Variants in PLK4 observed in about 807,000 individuals in gnomAD.
PLK4 encodes the protein polo like kinase 4.
A neutral mutation model predicts 103.0 loss-of-function variants in PLK4; 51 were observed. The observed-to-expected ratio is 0.50, with a 90% CI of 0.40 to 0.63. The LOEUF (loss-of-function observed/expected upper bound fraction) is 0.63, where lower values mean the gene tolerates loss of function less well. Ranked by LOEUF, PLK4 falls within the 20% of genes least tolerant of loss-of-function variation. The probability of loss-of-function intolerance (pLI) is 0.00; values close to 1 mark genes in which losing one functional copy is unlikely to be tolerated. For synonymous variants in PLK4, 389 were observed against 376.8 expected (o/e 1.03, Z -0.38); for missense variants, 1,054 against 1,151.0 (o/e 0.92, Z 1.22).
chr4:127,889,494 T>C (rs1735268250), intron 6 of PLK4, among the ~76,000 whole-genome samples: 1 of 152,190 alleles, frequency 6.6e-6, no homozygotes, highest in Non-Finnish European at 1.5e-5. Flanking sequence ...ATTTTTCTCA[T>C]GTAGAATGAT....
Position 127,891,699 on chromosome 4 carries a change from G to A in PLK4, c.2038+18G>A. ...TTTACCAGGTATGTGAATTTACCAG[G>A]GAATAAATTTTGATAGTAGATTTAT... On this transcript the variant is annotated intron_variant, in intron 9 of 15. Coordinates refer to ENST00000270861, the MANE Select transcript of PLK4 (RefSeq NM_014264.5). The A allele has an allele frequency of 1.9e-6, 2 of 1,063,140 alleles. No individual in the cohort carries two copies. The highest frequency in any genetic ancestry group is 2.7e-6 in the Non-Finnish European group (2 of 745,106). 65.9% of individuals were successfully genotyped at this position (1,063,140 alleles called of 1,614,324 possible). A position where few individuals can be genotyped will look rare whatever the true frequency, so the allele number is the denominator to read the frequency against.
At chr4:127,894,072 G>T (rs1248456447) in intron 13 of PLK4, among the ~76,000 whole-genome samples, 191 bp downstream of exon 13, 2 of 152,042 alleles carry the variant, frequency 1.3e-5, no homozygotes, top group African/African-American at 4.8e-5. Context: ...CAAGTCAAAG[G>T]GCCTTTTCAC....
chr4:127,881,490 G>C, intron 1 of PLK4: 1 of 980,274 alleles, frequency 1.0e-6, no homozygotes, highest in South Asian at 1.8e-5. Flanking sequence ...GGGGATGGCG[G>C]TTATCTCCGG....
chr4:127,893,619 AT>A lies in PLK4; in HGVS notation c.2414+19del. ...ATCATAGGAAGGTAAATGTCTGAAAATTTTAAACATATGGCTAAAATGTTTT... is the reference window on the plus strand; with the variant it reads ...ATCATAGGAAGGTAAATGTCTGAAAATTTAAACATATGGCTAAAATGTTTT... On this transcript the variant is annotated intron_variant, in intron 12 of 15. Transcript: ENST00000270861. The A allele has an allele frequency of 6.3e-7, 1 of 1,594,396 alleles. No individual in the cohort carries two copies. The highest frequency in any genetic ancestry group is 8.6e-7 in the Non-Finnish European group (1 of 1,168,198).
Position 127,885,848 on chromosome 4 carries a change from C to G in PLK4, c.478C>G (p.Gln160Glu). ...GATTGCTGATTTTGGGCTGGCAACT[C>G]AACTGAAAATGCCACATGAAAAGCA... ...IKIADFGLAT[Q>E]LKMPHEKHYT... is the part of the protein sequence containing the mutation. The change falls in exon 5 of 16, where the codon CAA becomes GAA. Residue 160 changes from glutamine to glutamate, a missense_variant. Coordinates refer to ENST00000270861, the MANE Select transcript of PLK4 (RefSeq NM_014264.5). 1 of 1,614,080 alleles carries G rather than the reference C, an allele frequency of 6.2e-7. No homozygotes were observed. Among genetic ancestry groups the G allele is most frequent in the African/African-American group, 1.3e-5 (1 of 75,022 alleles).
At chr4:127,882,965 G>A (rs1734983782) in intron 2 of PLK4, among the ~76,000 whole-genome samples, 1 of 144,342 alleles carries the variant, frequency 6.9e-6, no homozygotes, top group Admixed American at 7.3e-5. Context: ...AAGAACTGGA[G>A]GTTTTGCTCT....
chr4:127,898,328 T>G, intron 15 of PLK4, 111 bp from the exon 16 acceptor site: 1 of 613,382 alleles, frequency 1.6e-6, no homozygotes, highest in Non-Finnish European at 2.9e-6. Flanking sequence ...TTTTCTGAGG[T>G]GCCTCTTGTT....
intron 12 of PLK4, 50 bp downstream of exon 12, chr4:127,893,654 G>A (rs373531730): frequency 6.4e-7 from 1 of 1,573,666 alleles, no homozygotes; most frequent in Non-Finnish European, 8.7e-7. Flanking sequence ...TTAAAAGTTT[G>A]ATGTTTATAT....
intron 2 of PLK4, 122 bp downstream of exon 2, chr4:127,882,048 A>G (rs1027329461): frequency 1.5e-5 from 9 of 618,808 alleles, no homozygotes; most frequent in South Asian, 1.4e-4. Context: ...AACACTTTAC[A>G]TAGGCAGAAG....
At position 127,881,149 on chromosome 4, in the gene PLK4, C is replaced by G. The variant is rs915339861; in HGVS notation, c.15C>G (p.Ile5Met). MATC[I>M]GEKIEDFKVG... ...AGCCTGGAAATATGGCGACCTGCAT[C>G]GGGGAGAAGATCGAGGTGAAAAGAC... The change falls in exon 1 of 16, where the codon ATC (isoleucine) becomes ATG (methionine). Residue 5 changes from isoleucine (I) to methionine (M), a missense_variant. Physicochemically the swap from Ile to Met is conservative, Grantham distance 10 (BLOSUM62 1). Coordinates refer to ENST00000270861, the MANE Select transcript of PLK4 (RefSeq NM_014264.5). The G allele has an allele frequency of 6.2e-7, 1 of 1,613,916 alleles. No homozygotes were observed. Among genetic ancestry groups the G allele is most frequent in the African/African-American group, 1.3e-5 (1 of 75,036 alleles).
Position 127,890,099 on chromosome 4 carries a change from G to C in PLK4, c.1693G>C (p.Asp565His), listed in dbSNP as rs1349108993. The change falls in exon 7 of 16, where the codon GAT becomes CAT. Residue 565 changes from aspartate to histidine, a missense_variant. Transcript: ENST00000270861. ...IIQQECVFGS[D>H]PLSEQSKTRG... ...CCAACAAGAATGTGTTTTTGGCTCA[G>C]ATCCTCTTTCTGAACAGAGCAAGAC... The C allele has an allele frequency of 2.5e-6, 4 of 1,614,062 alleles. No individual in the cohort carries two copies. The highest frequency in any genetic ancestry group is 3.4e-6 in the Non-Finnish European group (4 of 1,179,960).
At chr4:127,882,552 T>C (rs935496582) in intron 2 of PLK4, among the ~76,000 whole-genome samples, 1 of 152,028 alleles carries the variant, frequency 6.6e-6, no homozygotes, top group African/African-American at 2.4e-5. Context: ...CTGAGGTCGG[T>C]AGTTCAAGAC....
At chr4:127,881,376 T>G in intron 1 of PLK4, 1 of 1,428,244 alleles carries the variant, frequency 7.0e-7, no homozygotes, top group Non-Finnish European at 9.1e-7. Context: ...GACAGGTGAG[T>G]CCCTCCCCGC....
intron 10 of PLK4, 30 bp from the exon 11 acceptor site, chr4:127,893,253 AAG>A: frequency 1.5e-6 from 2 of 1,353,178 alleles, no homozygotes; most frequent in Non-Finnish European, 2.0e-6. Context: ...TAAAAAGGAT[AAG>A]AGAACAGTTT....
rs1292293219 is a variant in PLK4 at position 127,890,070 on chromosome 4, T to G, written c.1664T>G (p.Ile555Arg). The change falls in exon 7 of 16, where the codon ATA (isoleucine) becomes AGA (arginine). Residue 555 changes from isoleucine to arginine, a missense_variant. This residue lies in a region of PLK4 where 680 missense variants were observed against 660.3 expected (regional missense o/e 1.03). Coordinates refer to ENST00000270861, the MANE Select transcript of PLK4 (RefSeq NM_014264.5). Reference protein sequence around the residue: ...YMTALHSKPEIIQQECVFGSD... With the variant: ...YMTALHSKPERIQQECVFGSD... ...ACTGCACTTCACAGTAAACCTGAGA[T>G]AATCCAACAAGAATGTGTTTTTGGC... 6.2e-7 allele frequency: 1 copy of G among 1,614,024 alleles called. No individual in the cohort carries two copies. Among genetic ancestry groups the G allele is most frequent in the African/African-American group, 1.3e-5 (1 of 75,046 alleles).
In PLK4 at chr4:127,881,144, T is replaced by C; in HGVS notation, c.10T>C (p.Cys4Arg). Residue 4 changes from cysteine (C) to arginine (R), a missense_variant, in exon 1 of 16, where the codon TGC becomes CGC. Physicochemically the swap from Cys to Arg is radical, Grantham distance 180 (BLOSUM62 -3). Around this residue, in one of 4 missense-constraint regions of PLK4, gnomAD observed 199 missense variants for 270.1 expected, o/e 0.74. Coordinates refer to ENST00000270861, the MANE Select transcript of PLK4 (RefSeq NM_014264.5). MAT[C>R]IGEKIEDFKV... ...GCCAGAGCCTGGAAATATGGCGACC[T>C]GCATCGGGGAGAAGATCGAGGTGAA... The C allele has an allele frequency of 6.2e-7, 1 of 1,613,874 alleles. No homozygotes were observed. Among genetic ancestry groups the C allele is most frequent in the Admixed American group, 1.7e-5 (1 of 60,020 alleles).
rs951863300 is a variant in PLK4, at chr4:127,881,398, C to G, written c.30+234C>G. On this transcript the variant is annotated intron_variant, in intron 1 of 15. Coordinates refer to ENST00000270861, the MANE Select transcript of PLK4 (RefSeq NM_014264.5). ...GAGTCCCTCCCCGCCCGGCAGTGTCCCGAGGCACTGCGGCTTTCTTTCAGC... is the reference window on the plus strand; with the variant it reads ...GAGTCCCTCCCCGCCCGGCAGTGTCGCGAGGCACTGCGGCTTTCTTTCAGC... 1.4e-5 allele frequency: 20 copies of G among 1,418,542 alleles called. No homozygotes were observed. In the Middle Eastern group the frequency reaches 7.8e-4, roughly 55 times the overall value. 87.9% of individuals were successfully genotyped at this position (1,418,542 alleles called of 1,614,324 possible).
At position 127,891,089 on chromosome 4, in the gene PLK4, T is replaced by C. The variant is rs772096602; in HGVS notation, c.1831-3T>C. On this transcript the variant is annotated splice_region_variant and splice_polypyrimidine_tract_variant and intron_variant, in intron 7 of 15. Coordinates refer to ENST00000270861, the MANE Select transcript of PLK4 (RefSeq NM_014264.5). ...ACTGATTTTGGGTTTTTTTTTTTTT[T>C]AGGTGAGCATACTTGATTCAGAGGA... 4.0e-6 allele frequency: 6 copies of C among 1,499,646 alleles called. 1 individual carries two copies. In the Admixed American group the frequency reaches 1.0e-4, roughly 25 times the overall value. The allele number at this position is 1,499,646 out of a possible 1,614,324, so 92.9% of individuals were successfully genotyped here.
chr4:127,898,310 G>A, intron 15 of PLK4, 129 bp from the exon 16 acceptor site: 2 of 572,266 alleles, frequency 3.5e-6, no homozygotes, highest in Non-Finnish European at 6.2e-6. Flanking sequence ...ATAAATAATT[G>A]TTATAATTTT....
Sources: gnomAD v4.1 joint callset for allele counts (sites outside exome capture counted in the v4.1 genomes callset) on GRCh38, gnomAD v4.1.1 for gene constraint, gnomAD v4.1.1 regional missense constraint, MANE v1.5 for transcripts, NCBI Gene and HGNC (gene_info 2026-07-23, HGNC 2026-07-21) for gene names.